Variants in CNTNAP5 observed in about 807,000 individuals in gnomAD.
CNTNAP5 encodes contactin associated protein family member 5, also known as contactin-associated protein-like 5.
CNTNAP5 carries 72 observed loss-of-function variants against 150.2 expected under a neutral mutation model. That is an observed-to-expected ratio of 0.48 (90% confidence interval 0.40 to 0.58). The LOEUF (loss-of-function observed/expected upper bound fraction) is 0.58. Among genes scored for constraint, CNTNAP5 ranks in the 20% least tolerant of loss-of-function variants. CNTNAP5 has a pLI of 0.00. For missense variants in CNTNAP5, 1,636 were observed against 1,626.2 expected (o/e 1.01, Z -0.10); for synonymous variants, 672 against 619.8 (o/e 1.08, Z -1.25).
intron 1 of CNTNAP5, among the ~76,000 whole-genome samples, chr2:124,051,208 A>T (rs948870935): frequency 6.6e-6 from 1 of 152,216 alleles, no homozygotes; most frequent in African/African-American, 2.4e-5. Flanking sequence ...CTCAAAAAAA[A>T]AATACACACA....
chr2:124,660,058 G>GGAAGGAAA (rs1443747766), intron 13 of CNTNAP5, among the ~76,000 whole-genome samples: 3 of 150,852 alleles, frequency 2.0e-5, no homozygotes, highest in African/African-American at 7.3e-5. Flanking sequence ...AAGGAAGGAA[G>GGAAGGAAA]GAAGGAAGGA....
intron 19 of CNTNAP5, among the ~76,000 whole-genome samples, chr2:124,805,610 T>C (rs1682065545): frequency 6.6e-6 from 1 of 152,144 alleles, no homozygotes; most frequent in Non-Finnish European, 1.5e-5. Flanking sequence ...AACAAATATG[T>C]CAAAATACAA....
chr2:124,782,107 G>C (rs1390312922), intron 17 of CNTNAP5, among the ~76,000 whole-genome samples: 1 of 151,826 alleles, frequency 6.6e-6, no homozygotes, highest in Non-Finnish European at 1.5e-5. Context: ...GAAGCCTGCA[G>C]TTTTCCCCTT....
At chr2:124,151,970 A>G (rs1684416007) in intron 1 of CNTNAP5, among the ~76,000 whole-genome samples, 1 of 152,250 alleles carries the variant, frequency 6.6e-6, no homozygotes. Flanking sequence ...ATAAGTGAGA[A>G]TAGGAAAATA....
At chr2:124,055,492 AC>A (rs1681821072) in intron 1 of CNTNAP5, among the ~76,000 whole-genome samples, 1 of 151,994 alleles carries the variant, frequency 6.6e-6, no homozygotes, top group Admixed American at 6.6e-5. Flanking sequence ...TTCACAGTTC[AC>A]CCCAAGCCTC....
intron 1 of CNTNAP5, among the ~76,000 whole-genome samples, chr2:124,181,227 A>G (rs1418815163): frequency 1.3e-5 from 2 of 152,086 alleles, no homozygotes; most frequent in Non-Finnish European, 2.9e-5. Flanking sequence ...AGTAATTAGG[A>G]TAGTACTTTG....
At chr2:124,688,126 T>C (rs1431588008) in intron 13 of CNTNAP5, among the ~76,000 whole-genome samples, 2 of 152,108 alleles carry the variant, frequency 1.3e-5, no homozygotes, top group East Asian at 1.9e-4. Flanking sequence ...AATTCTCTAC[T>C]GCAAATTTCA....
intron 1 of CNTNAP5, among the ~76,000 whole-genome samples, chr2:124,039,123 T>C (rs1035433152): frequency 6.6e-6 from 1 of 152,200 alleles, no homozygotes; most frequent in Non-Finnish European, 1.5e-5. Flanking sequence ...TTTGAAAAGA[T>C]GGTAGCTTGT....
chr2:124,499,015 A>G (rs898607322), intron 7 of CNTNAP5, among the ~76,000 whole-genome samples: 7 of 152,184 alleles, frequency 4.6e-5, no homozygotes, highest in African/African-American at 9.7e-5. Flanking sequence ...AAAGCATCAG[A>G]TCTGGGAAAA....
intron 2 of CNTNAP5, among the ~76,000 whole-genome samples, chr2:124,235,831 C>T (rs1048092642): frequency 5.9e-5 from 9 of 152,176 alleles, no homozygotes; most frequent in African/African-American, 1.9e-4. Context: ...TTAAAAGCTC[C>T]TTTGTTGTTT....
intron 2 of CNTNAP5, among the ~76,000 whole-genome samples, chr2:124,227,309 A>G (rs1686484818): frequency 6.6e-6 from 1 of 152,054 alleles, no homozygotes; most frequent in Admixed American, 6.6e-5. Context: ...GCCTCATTCT[A>G]TTCTCTCTTC....
chr2:124,195,952 C>G (rs1011840184), intron 1 of CNTNAP5, among the ~76,000 whole-genome samples: 3 of 152,050 alleles, frequency 2.0e-5, no homozygotes, highest in Non-Finnish European at 2.9e-5. Context: ...GTATGAAGCG[C>G]GGGCCTCTGA....
intron 13 of CNTNAP5, 28 bp downstream of exon 13, chr2:124,647,986 T>C (rs1170313530): frequency 1.3e-6 from 2 of 1,555,534 alleles, no homozygotes; most frequent in Non-Finnish European, 1.7e-6. Context: ...ATGACCACAG[T>C]GGGATAGATG....
At chr2:124,382,080 C>T (rs1008878933) in intron 3 of CNTNAP5, among the ~76,000 whole-genome samples, 5 of 152,038 alleles carry the variant, frequency 3.3e-5, no homozygotes, top group African/African-American at 1.2e-4. Flanking sequence ...ACTTGCATGC[C>T]CAAATAAATA....
intron 18 of CNTNAP5, among the ~76,000 whole-genome samples, chr2:124,794,632 A>G (rs546487079): frequency 2.1e-4 from 32 of 152,320 alleles, no homozygotes; most frequent in African/African-American, 7.7e-4. Context: ...TTTAATTTAT[A>G]CCATTTATTT....
At chr2:124,519,104 T>C (rs922757661) in intron 8 of CNTNAP5, among the ~76,000 whole-genome samples, 5 of 151,676 alleles carry the variant, frequency 3.3e-5, no homozygotes, top group Admixed American at 6.6e-5. Flanking sequence ...TAATGTATGA[T>C]TTTATTTATA....
chr2:124,172,582 T>C (rs767367574), intron 1 of CNTNAP5, among the ~76,000 whole-genome samples: 2 of 152,140 alleles, frequency 1.3e-5, no homozygotes, highest in Non-Finnish European at 2.9e-5. Flanking sequence ...CCAGCATTTT[T>C]TTAGTATTTT....
intron 19 of CNTNAP5, among the ~76,000 whole-genome samples, chr2:124,808,088 C>G (rs1682119352): frequency 6.6e-6 from 1 of 152,254 alleles, no homozygotes; most frequent in Admixed American, 6.5e-5. Flanking sequence ...CCGATACCCA[C>G]CAGCCAAATC....
chr2:124,351,820 C>T (rs1424852621), intron 3 of CNTNAP5, among the ~76,000 whole-genome samples: 2 of 152,142 alleles, frequency 1.3e-5, no homozygotes, highest in African/African-American at 4.8e-5. Flanking sequence ...AAATGTCTAC[C>T]ATATTACTTA....
Sources: gnomAD v4.1 joint callset for allele counts (sites outside exome capture counted in the v4.1 genomes callset) on GRCh38, gnomAD v4.1.1 for gene constraint, MANE v1.5 for transcripts, NCBI Gene and HGNC (gene_info 2026-07-23, HGNC 2026-07-21) for gene names.